The following RALYL variants were observed in gnomAD, a reference collection of about 807,000 sequenced individuals.
RALYL encodes RNA-binding Raly-like protein.
In RALYL, 29 loss-of-function variants were observed where a neutral mutation model predicts 35.1. That is an observed-to-expected ratio of 0.83 (90% CI 0.61 to 1.13). The LOEUF (loss-of-function observed/expected upper bound fraction) is 1.13. Among genes scored for constraint, RALYL ranks in the 50% most tolerant of loss-of-function variants. The pLI, the probability that RALYL is intolerant of heterozygous loss-of-function variation, is 0.00. For missense variants in RALYL, 359 were observed against 360.4 expected (o/e 1.00, Z 0.03); for synonymous variants, 120 against 127.6 (o/e 0.94, Z 0.40).
chr8:84,846,093 TG>T (rs1834593995), intron 4 of RALYL, among the ~76,000 whole-genome samples: 1 of 152,200 alleles, frequency 6.6e-6, no homozygotes, highest in African/African-American at 2.4e-5. Flanking sequence ...TTGTTCTTTT[TG>T]CTTAGGATTG....
intron 1 of RALYL, among the ~76,000 whole-genome samples, chr8:84,207,193 C>G (rs1385128977): frequency 1.3e-5 from 2 of 151,964 alleles, no homozygotes; most frequent in Non-Finnish European, 2.9e-5. Context: ...ACCAGTATCT[C>G]AAAGAGATAT....
chr8:84,820,615 G>A (rs531162645), intron 4 of RALYL, among the ~76,000 whole-genome samples: 21 of 152,154 alleles, frequency 1.4e-4, no homozygotes, highest in African/African-American at 4.6e-4. Context: ...ATACATGTGC[G>A]ATGATAGTTT....
chr8:84,844,548 G>T (rs1834183417), intron 4 of RALYL, among the ~76,000 whole-genome samples: 1 of 152,188 alleles, frequency 6.6e-6, no homozygotes, highest in Non-Finnish European at 1.5e-5. Context: ...GACCATTGTG[G>T]AAGTCAGTGT....
intron 2 of RALYL, among the ~76,000 whole-genome samples, chr8:84,763,915 C>G (rs10504809): frequency 0.02 from 3,110 of 152,258 alleles, 105 homozygotes; most frequent in African/African-American, 0.07. Flanking sequence ...TGCACCAAAG[C>G]CACAAGGATT....
At chr8:84,207,080 A>C (rs955723506) in intron 1 of RALYL, among the ~76,000 whole-genome samples, 22 of 152,190 alleles carry the variant, frequency 1.4e-4, no homozygotes, top group Non-Finnish European at 3.1e-4. Context: ...AATGTAGATT[A>C]GTACAGCCAT....
In RALYL at chr8:84,714,013, AACACACACACACATACTC is replaced by A. The variant is rs1345175478; in HGVS notation, c.257-60552_257-60535del. On this transcript the variant is annotated intron_variant, in intron 2 of 8. Transcript: ENST00000521268. Reference sequence around the variant, plus strand: ...AGATATATGTATCTCATATAGATACAACACACACACACATACTCACACACACACACACACCCCAATGGA... The same window carrying A: ...AGATATATGTATCTCATATAGATACAACACACACACACACACCCCAATGGA... Among the ~76,000 whole-genome samples, 3 of 151,158 alleles carry A rather than the reference AACACACACACACATACTC, an allele frequency of 2.0e-5. No individual in the cohort carries two copies. The East Asian group carries it at 5.8e-4, about 29-fold the overall frequency.
Position 84,493,816 on chromosome 8 carries a change from T to C in RALYL, c.-23-35483T>C, listed in dbSNP as rs530649632. Among the ~76,000 whole-genome samples the C allele has an allele frequency of 4.6e-5, 7 of 152,260 alleles. No individual in the cohort carries two copies. The South Asian group carries it at 1.5e-3, about 32-fold the overall frequency. On this transcript the variant is annotated intron_variant, in intron 1 of 8. Transcript: ENST00000521268. ...TTCTGTATATTAGATCTTTGTCAGATGGGTAGATTGCAAAAATTGTCTCCT... is the reference window on the plus strand; with the variant it reads ...TTCTGTATATTAGATCTTTGTCAGACGGGTAGATTGCAAAAATTGTCTCCT...
intron 1 of RALYL, among the ~76,000 whole-genome samples, chr8:84,321,963 C>A (rs1844924387): frequency 6.6e-6 from 1 of 151,918 alleles, no homozygotes; most frequent in Non-Finnish European, 1.5e-5. Context: ...ATCAATTCTC[C>A]AAGAAGACCC....
chr8:84,880,860 CT>C (rs1342554653), intron 7 of RALYL, among the ~76,000 whole-genome samples: 1 of 151,930 alleles, frequency 6.6e-6, no homozygotes, highest in Non-Finnish European at 1.5e-5. Context: ...TTTACATTAT[CT>C]AAGGTCCCAG....
chr8:84,396,211 A>G (rs1310106175), intron 1 of RALYL, among the ~76,000 whole-genome samples: 2 of 152,146 alleles, frequency 1.3e-5, no homozygotes, highest in South Asian at 4.1e-4. Context: ...AACTTGAAAT[A>G]AGAATAATAT....
chr8:84,518,270 A>G (rs562330066), intron 1 of RALYL, among the ~76,000 whole-genome samples: 1 of 152,312 alleles, frequency 6.6e-6, no homozygotes, highest in Non-Finnish European at 1.5e-5. Context: ...AAAAGCATCC[A>G]TAATTTTTAA....
chr8:84,651,346 T>G (rs953212442), intron 2 of RALYL, among the ~76,000 whole-genome samples: 2 of 151,938 alleles, frequency 1.3e-5, no homozygotes, highest in African/African-American at 4.8e-5. Flanking sequence ...ATAATTATAC[T>G]ATAATTAATA....
At chr8:84,185,027 C>T (rs767269302) in intron 1 of RALYL, 29 of 1,613,930 alleles carry the variant, frequency 1.8e-5, no homozygotes, top group Middle Eastern at 1.7e-4. Flanking sequence ...AGGTCCTACC[C>T]AGCCTATTTT....
intron 2 of RALYL, among the ~76,000 whole-genome samples, chr8:84,638,997 CACACAG>C (rs201225232): frequency 2.1e-5 from 3 of 140,232 alleles, no homozygotes; most frequent in African/African-American, 8.3e-5. Context: ...CACACACACA[CACACAG>C]ATGGGATGGA....
At position 84,635,583 on chromosome 8, in the gene RALYL, AT is replaced by A. The variant is rs1239856960; in HGVS notation, c.256+106009del. 7.2e-5 allele frequency among the ~76,000 whole-genome samples: 11 copies of A among 151,836 alleles called. No individual in the cohort carries two copies. The East Asian group carries it at 2.1e-3, about 30-fold the overall frequency. On this transcript the variant is annotated intron_variant, in intron 2 of 8. Transcript: ENST00000521268. ...TGATAGGTACAGATACTATTGAGAG[AT>A]TTACAAAAAAAAATCATAAAAACCT...
intron 6 of RALYL, 71 bp downstream of exon 6, chr8:84,862,524 T>C (rs1838319434): frequency 1.1e-5 from 13 of 1,206,400 alleles, no homozygotes; most frequent in Non-Finnish European, 1.3e-5. Context: ...CGAATGCCTA[T>C]ATTCAATAAA....
rs553201284 is a variant in RALYL, at chr8:84,364,359, T to C, written c.-23-164940T>C. Among the ~76,000 whole-genome samples, 17 of 152,298 alleles carry C rather than the reference T, an allele frequency of 1.1e-4. No homozygotes were observed. In the East Asian group the frequency reaches 3.3e-3, roughly 29 times the overall value. On this transcript the variant is annotated intron_variant, in intron 1 of 8. Coordinates refer to ENST00000521268, the MANE Select transcript of RALYL (RefSeq NM_173848.7). ...GGTGTTCATAAACAATGCAGATATTTATCTGCTTTGACAATAACCCTCTGA... is the reference window on the plus strand; with the variant it reads ...GGTGTTCATAAACAATGCAGATATTCATCTGCTTTGACAATAACCCTCTGA...
At chr8:84,243,767 T>C (rs1828507909) in intron 1 of RALYL, among the ~76,000 whole-genome samples, 1 of 152,124 alleles carries the variant, frequency 6.6e-6, no homozygotes, top group African/African-American at 2.4e-5. Context: ...TTCAAGAGAA[T>C]ACCCTTCTAG....
At chr8:84,894,999 A>T (rs1288322128) in intron 8 of RALYL, among the ~76,000 whole-genome samples, 1 of 152,180 alleles carries the variant, frequency 6.6e-6, no homozygotes, top group Non-Finnish European at 1.5e-5. Flanking sequence ...AGGGTTGACA[A>T]TAATATGTGT....
Sources: gnomAD v4.1 joint callset for allele counts (sites outside exome capture counted in the v4.1 genomes callset) on GRCh38, gnomAD v4.1.1 for gene constraint, MANE v1.5 for transcripts, NCBI Gene and HGNC (gene_info 2026-07-23, HGNC 2026-07-21) for gene names.